Variants in DAZL observed in about 807,000 individuals in gnomAD.
DAZL encodes the protein deleted in azoospermia like, also known as deleted in azoospermia-like.
In DAZL, 4 loss-of-function variants were observed where a neutral mutation model predicts 45.0. The ratio of observed to expected loss-of-function variants is 0.09; its 90% CI spans 0.04 to 0.20. The LOEUF (loss-of-function observed/expected upper bound fraction) is 0.20. DAZL is among the 10% of genes least tolerant of loss of function. DAZL has a pLI of 1.00. For synonymous variants in DAZL, 122 were observed against 112.4 expected (o/e 1.09, Z -0.54); for missense variants, 326 against 351.3 (o/e 0.93, Z 0.58).
Position 16,588,512 on chromosome 3 carries a change from A to T in DAZL, c.*148T>A. 1 of 696,382 alleles carries T rather than the reference A, an allele frequency of 1.4e-6. No homozygotes were observed. Among genetic ancestry groups the T allele is most frequent in the Non-Finnish European group, 2.7e-6 (1 of 376,320 alleles). The allele number at this position is 696,382 out of a possible 1,614,324, so 43.1% of individuals were successfully genotyped here. ...ATAAACATCTAATGAAGAACAGTTT[A>T]AGATAAAACTAGAGAGTCTAATAAT... On this transcript the variant is annotated 3_prime_UTR_variant, in exon 11 of 11. Coordinates refer to ENST00000399444, the MANE Select transcript of DAZL (RefSeq NM_001351.4).
At chr3:16,602,273 T>A (rs1694702426) in intron 1 of DAZL, among the ~76,000 whole-genome samples, 1 of 152,090 alleles carries the variant, frequency 6.6e-6, no homozygotes. Flanking sequence ...TAGAAATAAA[T>A]TTGGAAATCA....
In DAZL at chr3:16,595,376, T is replaced by G; in HGVS notation, c.508A>C (p.Thr170Pro). 1 of 1,575,236 alleles carries G rather than the reference T, an allele frequency of 6.3e-7. No homozygotes were observed. Among genetic ancestry groups the G allele is most frequent in the Non-Finnish European group, 8.7e-7 (1 of 1,152,700 alleles). The change falls in exon 7 of 11, where the codon ACT becomes CCT. Residue 170 changes from threonine (T) to proline (P), a missense_variant. Around this residue, in one of 3 missense-constraint regions of DAZL, gnomAD observed 227 missense variants for 216.6 expected, o/e 1.05. Transcript: ENST00000399444. ...PITQYVQAYP[T>P]YPNSPVQVIT... ...ACCTGAACTGGTGAATTTGGGTAAG[T>G]AGGATATGCCTGAAAATCAAGTTTA...
intron 1 of DAZL, among the ~76,000 whole-genome samples, chr3:16,600,075 T>C (rs1284020485): frequency 2.6e-5 from 4 of 152,166 alleles, no homozygotes; most frequent in Admixed American, 2.0e-4. Context: ...TAAGAACGAA[T>C]TGAAACATCA....
rs1559403414 is a variant in DAZL, at chr3:16,597,476, A to G, written c.294+14T>C. 1 of 1,451,232 alleles carries G rather than the reference A, an allele frequency of 6.9e-7. No individual in the cohort carries two copies. Among genetic ancestry groups the G allele is most frequent in the Non-Finnish European group, 9.7e-7 (1 of 1,031,996 alleles). 89.9% of individuals were successfully genotyped at this position (1,451,232 alleles called of 1,614,324 possible). A position where few individuals can be genotyped will look rare whatever the true frequency, so the allele number is the denominator to read the frequency against. On this transcript the variant is annotated intron_variant, in intron 4 of 10. Coordinates refer to ENST00000399444, the MANE Select transcript of DAZL (RefSeq NM_001351.4). ...TCAATTAAACAAATGAGATTTTTCT[A>G]TTAGATTACTTACTTCTACTATCTT...
intron 9 of DAZL, among the ~76,000 whole-genome samples, chr3:16,593,311 C>T (rs1454772999): frequency 6.6e-6 from 1 of 152,118 alleles, no homozygotes; most frequent in Non-Finnish European, 1.5e-5. Context: ...GAAATTTCAC[C>T]AACCTTTACA....
intron 2 of DAZL, 103 bp downstream of exon 2, chr3:16,598,349 C>T: frequency 6.6e-7 from 1 of 1,511,860 alleles, no homozygotes; most frequent in Non-Finnish European, 9.1e-7. Context: ...AAAACCAATT[C>T]TAAACCTCCA....
Position 16,596,864 on chromosome 3 carries a change from A to G in DAZL, c.384T>C (p.Pro128=). The change falls in exon 6 of 11, where the codon CCT becomes CCC. Residue 128 remains proline, a synonymous_variant. Coordinates refer to ENST00000399444, the MANE Select transcript of DAZL (RefSeq NM_001351.4). Reference sequence around the variant, plus strand: ...GTGGAGGAGGATGATTAAAAACCAAAGGACGTGGCTGCACATGATAAGCAC... The same window carrying G: ...GTGGAGGAGGATGATTAAAAACCAAGGGACGTGGCTGCACATGATAAGCAC... ...NLCAYHVQPR[P]LVFNHPPPPQ... 6.2e-7 allele frequency: 1 copy of G among 1,613,874 alleles called. No individual in the cohort carries two copies. The highest frequency in any genetic ancestry group is 8.5e-7 in the Non-Finnish European group (1 of 1,179,772).
Position 16,588,296 on chromosome 3 carries a change from T to C in DAZL, c.*364A>G, listed in dbSNP as rs144459180. The stretch of plus-strand genomic sequence containing the variant: ...GGTACTTGTTGGAGAAGTGAAATGT[T>C]TGTATTCAGACCAACAAAATTCTGA... On this transcript the variant is annotated 3_prime_UTR_variant, in exon 11 of 11. Coordinates refer to ENST00000399444, the MANE Select transcript of DAZL (RefSeq NM_001351.4). 2.1e-3 allele frequency: 640 copies of C among 300,976 alleles called. 3 individuals carry two copies. The highest frequency in any genetic ancestry group is 0.011 in the African/African-American group (507 of 46,052). 18.6% of individuals were successfully genotyped at this position (300,976 alleles called of 1,614,324 possible). A position where few individuals can be genotyped will look rare whatever the true frequency, so the allele number is the denominator to read the frequency against.
chr3:16,604,404 A>T, intron 1 of DAZL: 1 of 1,504,700 alleles, frequency 6.6e-7, no homozygotes. Context: ...GAATTTAAAA[A>T]TTCTAAAATT....
intron 1 of DAZL, 24 bp downstream of exon 1, chr3:16,605,179 C>T (rs760098575): frequency 1.9e-6 from 3 of 1,614,028 alleles, no homozygotes; most frequent in Non-Finnish European, 2.5e-6. Context: ...CAGCCTTGCC[C>T]CTCGGGCCTC....
intron 9 of DAZL, among the ~76,000 whole-genome samples, chr3:16,592,814 A>C (rs1694541095): frequency 6.6e-6 from 1 of 152,194 alleles, no homozygotes; most frequent in Non-Finnish European, 1.5e-5. Context: ...TCGAGTATCA[A>C]ATCAAGGAAT....
chr3:16,604,978 C>T (rs981367952), intron 1 of DAZL, among the ~76,000 whole-genome samples: 1 of 152,248 alleles, frequency 6.6e-6, no homozygotes, highest in Non-Finnish European at 1.5e-5. Context: ...GGGCCCACCC[C>T]CACCTTGCCG....
At position 16,588,794 on chromosome 3, in the gene DAZL, A is replaced by G; in HGVS notation, c.835-81T>C. The G allele has an allele frequency of 3.5e-6, 4 of 1,140,936 alleles. No homozygotes were observed. The South Asian group carries it at 5.0e-5, about 14-fold the overall frequency. 70.7% of individuals were successfully genotyped at this position (1,140,936 alleles called of 1,614,324 possible). A position where few individuals can be genotyped will look rare whatever the true frequency, so the allele number is the denominator to read the frequency against. On this transcript the variant is annotated intron_variant, in intron 10 of 10. Coordinates refer to ENST00000399444, the MANE Select transcript of DAZL (RefSeq NM_001351.4). ...TAGATCTGAAAGTTGTCAAAAACTT[A>G]AACCATTTGTTTTGGGTTTAAACAT...
At position 16,589,366 on chromosome 3, in the gene DAZL, AGT is replaced by A. The variant is rs750470776; in HGVS notation, c.835-655_835-654del. ...CATAATAGCATTTTATTTTCTACAA[AGT>A]TAACTGTGCCCTTTTCCTAGGACCT... On this transcript the variant is annotated intron_variant, in intron 10 of 10. Coordinates refer to ENST00000399444, the MANE Select transcript of DAZL (RefSeq NM_001351.4). Among the ~76,000 whole-genome samples the A allele has an allele frequency of 2.0e-5, 3 of 152,330 alleles. No individual in the cohort carries two copies. The East Asian group carries it at 5.8e-4, about 29-fold the overall frequency.
intron 10 of DAZL, among the ~76,000 whole-genome samples, chr3:16,591,639 G>A (rs1420818592): frequency 6.6e-6 from 1 of 152,124 alleles, no homozygotes; most frequent in East Asian, 1.9e-4. Context: ...TTGCCATGTT[G>A]CCCAGGGTGG....
intron 1 of DAZL, chr3:16,604,574 G>A (rs775169933): frequency 1.3e-5 from 18 of 1,422,780 alleles, no homozygotes; most frequent in East Asian, 1.0e-4. Flanking sequence ...TCAGCTACAG[G>A]GCCATGCCTT....
Position 16,593,956 on chromosome 3 carries a change from GA to G in DAZL, c.622-189del, listed in dbSNP as rs552587008. Among the ~76,000 whole-genome samples the G allele has an allele frequency of 2.0e-3, 297 of 152,266 alleles. 1 individual carries two copies. The highest frequency in any genetic ancestry group is 3.4e-3 in the Non-Finnish European group (230 of 67,984). On this transcript the variant is annotated intron_variant, in intron 8 of 10. Coordinates refer to ENST00000399444, the MANE Select transcript of DAZL (RefSeq NM_001351.4). Reference sequence around the variant, plus strand: ...TACAGTAAGGCAGCCTTCTGTTTTAGAATGTCTTTAAGGCATCAACATAATC... The same window carrying G: ...TACAGTAAGGCAGCCTTCTGTTTTAGATGTCTTTAAGGCATCAACATAATC...
chr3:16,591,634 A>T (rs1411470432), intron 10 of DAZL, among the ~76,000 whole-genome samples: 3 of 152,028 alleles, frequency 2.0e-5, no homozygotes, highest in African/African-American at 7.2e-5. Flanking sequence ...GGGTTTTGCC[A>T]TGTTGCCCAG....
chr3:16,594,858 T>C (rs560017883), intron 7 of DAZL, among the ~76,000 whole-genome samples: 5 of 152,188 alleles, frequency 3.3e-5, no homozygotes, highest in African/African-American at 4.8e-5. Context: ...ATAGATATGA[T>C]TATGGGTCAC....
Sources: allele counts gnomAD v4.1 joint callset (sites outside exome capture counted in the v4.1 genomes callset), GRCh38; gene constraint gnomAD v4.1.1; regional missense constraint gnomAD v4.1.1; transcripts MANE v1.5; gene names NCBI Gene and HGNC (gene_info 2026-07-23, HGNC 2026-07-21).